Variants in AVPR1B observed in about 807,000 individuals in gnomAD.
The protein encoded by AVPR1B is arginine vasopressin receptor 1B.
AVPR1B carries 25 observed loss-of-function variants against 27.5 expected under a neutral mutation model. That is an observed-to-expected ratio of 0.91 (90% confidence interval 0.66 to 1.27). The LOEUF is 1.27. AVPR1B is among the 50% of genes most tolerant of loss of function. The pLI, the probability that AVPR1B is intolerant of heterozygous loss-of-function variation, is 0.00. For missense variants in AVPR1B, 595 were observed against 556.9 expected (o/e 1.07, Z -0.69); for synonymous variants, 248 against 240.2 (o/e 1.03, Z -0.30).
At position 206,107,140 on chromosome 1, in the gene AVPR1B, T is replaced by A. The variant is rs1181293951; in HGVS notation, c.*3049A>T. Among the ~76,000 whole-genome samples, 1 of 152,194 alleles carries A rather than the reference T, an allele frequency of 6.6e-6. No individual in the cohort carries two copies. Among genetic ancestry groups the A allele is most frequent in the Middle Eastern group, 3.2e-3 (1 of 316 alleles). ...CTGAGAAATCCCCGTAGTCAACCGA[T>A]GAACCCCTCCTGTCCTCCTCTCTGT... On this transcript the variant is annotated 3_prime_UTR_variant, in exon 2 of 2. Coordinates refer to ENST00000367126, the MANE Select transcript of AVPR1B (RefSeq NM_000707.5).
chr1:206,111,874 A>G (rs949671765), intron 1 of AVPR1B, among the ~76,000 whole-genome samples: 11 of 152,206 alleles, frequency 7.2e-5, no homozygotes. Context: ...AGTGGGAAGC[A>G]CCTGGAAGTA....
Position 206,107,548 on chromosome 1 carries a change from C to T in AVPR1B, c.*2641G>A, listed in dbSNP as rs1171253914. Among the ~76,000 whole-genome samples the T allele has an allele frequency of 6.6e-6, 1 of 152,190 alleles. No homozygotes were observed. The highest frequency in any genetic ancestry group is 1.9e-4 in the East Asian group (1 of 5,180). Reference sequence around the variant, plus strand: ...CAGTCGCTCCCCACTGTCCATATCACAGGACAGAACCAGCTTTCTGGAAAA... The same window carrying T: ...CAGTCGCTCCCCACTGTCCATATCATAGGACAGAACCAGCTTTCTGGAAAA... On this transcript the variant is annotated 3_prime_UTR_variant, in exon 2 of 2. Coordinates refer to ENST00000367126, the MANE Select transcript of AVPR1B (RefSeq NM_000707.5).
chr1:206,115,283 G>A (rs1186473577), intron 1 of AVPR1B, among the ~76,000 whole-genome samples: 5 of 151,878 alleles, frequency 3.3e-5, no homozygotes, highest in Admixed American at 1.3e-4. Context: ...AACTGACGCC[G>A]ATCTCATTTC....
At chr1:206,113,534 G>T (rs1304082954) in intron 1 of AVPR1B, among the ~76,000 whole-genome samples, 1 of 152,144 alleles carries the variant, frequency 6.6e-6, no homozygotes, top group Non-Finnish European at 1.5e-5. Flanking sequence ...CTTGGTAAGT[G>T]GTGAATCACT....
At chr1:206,115,235 AG>A (rs1663444010) in intron 1 of AVPR1B, among the ~76,000 whole-genome samples, 2 of 152,042 alleles carry the variant, frequency 1.3e-5, no homozygotes, top group Non-Finnish European at 2.9e-5. Flanking sequence ...CTCGGGGAAG[AG>A]AAAAAAAAAA....
intron 1 of AVPR1B, among the ~76,000 whole-genome samples, chr1:206,115,056 A>C (rs1176784911): frequency 6.6e-6 from 1 of 152,238 alleles, no homozygotes; most frequent in East Asian, 1.9e-4. Flanking sequence ...AGTATCCCTA[A>C]AATGACCCCA....
At chr1:206,112,578 C>T (rs1663397945) in intron 1 of AVPR1B, among the ~76,000 whole-genome samples, 1 of 152,158 alleles carries the variant, frequency 6.6e-6, no homozygotes, top group South Asian at 2.1e-4. Flanking sequence ...ACCTCCTGTG[C>T]TCAAGCAATG....
rs997317605 is a variant in AVPR1B, at chr1:206,109,692, T to G, written c.*497A>C. The stretch of plus-strand genomic sequence containing the variant: ...ATTCACTTTTCTTCATGAAGCAATT[T>G]TCTCTCTAACAACAACAACAACAAC... On this transcript the variant is annotated 3_prime_UTR_variant, in exon 2 of 2. Transcript: ENST00000367126. 7 of 152,580 alleles carry G rather than the reference T, an allele frequency of 4.6e-5. No individual in the cohort carries two copies. The highest frequency in any genetic ancestry group is 9.8e-5 in the Non-Finnish European group (7 of 71,466). 9.5% of individuals were successfully genotyped at this position (152,580 alleles called of 1,614,324 possible).
intron 1 of AVPR1B, among the ~76,000 whole-genome samples, chr1:206,114,051 G>A (rs1400196483): frequency 6.6e-6 from 1 of 152,212 alleles, no homozygotes; most frequent in African/African-American, 2.4e-5. Context: ...AAGGGATATT[G>A]TATTAAGAAG....
intron 1 of AVPR1B, among the ~76,000 whole-genome samples, chr1:206,112,274 G>A (rs535960459): frequency 3.9e-5 from 6 of 152,094 alleles, no homozygotes; most frequent in Non-Finnish European, 7.4e-5. Flanking sequence ...AATGTAGCCC[G>A]CAGTGTTGGA....
chr1:206,108,544 C>A lies in AVPR1B; in HGVS notation c.*1645G>T, dbSNP rs1183703942. Among the ~76,000 whole-genome samples the A allele has an allele frequency of 2.0e-5, 3 of 152,214 alleles. No homozygotes were observed. Among genetic ancestry groups the A allele is most frequent in the African/African-American group, 7.2e-5 (3 of 41,448 alleles). ...TGTTCCCTAGAGCTTCCCTCAGGAG[C>A]TCTTAATTAGATTAGTAATTCCTTA... is the stretch of plus-strand genomic sequence containing the variant. On this transcript the variant is annotated 3_prime_UTR_variant, in exon 2 of 2. Transcript: ENST00000367126.
Position 206,116,336 on chromosome 1 carries a change from G to T in AVPR1B, c.555C>A (p.Asp185Glu). 6.2e-7 allele frequency: 1 copy of T among 1,613,590 alleles called. No individual in the cohort carries two copies. Among genetic ancestry groups the T allele is most frequent in the Non-Finnish European group, 8.5e-7 (1 of 1,180,034 alleles). Reference protein sequence around the residue: ...REVIQGSGVLDCWADFGFPWG... With the variant: ...REVIQGSGVLECWADFGFPWG... ...AAGGGAAGCCGAAGTCTGCCCAGCAGTCCAGCACCCCTGAGCCCTGGATCA... is the reference window on the plus strand; with the variant it reads ...AAGGGAAGCCGAAGTCTGCCCAGCATTCCAGCACCCCTGAGCCCTGGATCA... The change falls in exon 1 of 2, where the codon GAC becomes GAA. Residue 185 changes from aspartate (D) to glutamate (E), a missense_variant. By Grantham distance (45) the Asp-to-Glu change is conservative (BLOSUM62 2). Transcript: ENST00000367126.
rs1251101583 is a variant in AVPR1B, at chr1:206,109,454, C to T, written c.*735G>A. 2.0e-5 allele frequency among the ~76,000 whole-genome samples: 3 copies of T among 152,010 alleles called. No homozygotes were observed. The highest frequency in any genetic ancestry group is 4.8e-5 in the African/African-American group (2 of 41,334). ...TCATCTTCTCCTTCCCTCCCTCTTT[C>T]TTCCCACCCACACTGACAGTGGACC... On this transcript the variant is annotated 3_prime_UTR_variant, in exon 2 of 2. Transcript: ENST00000367126.
chr1:206,109,966 C>T lies in AVPR1B; in HGVS notation c.*223G>A. ...CCAGGGAGACAGGCAGTTTGATTCT[C>T]CCTGACTGCCAGTGTCTGAGATTGG... On this transcript the variant is annotated 3_prime_UTR_variant, in exon 2 of 2. Transcript: ENST00000367126. 3.5e-6 allele frequency: 2 copies of T among 571,554 alleles called. No individual in the cohort carries two copies. The highest frequency in any genetic ancestry group is 6.2e-6 in the Non-Finnish European group (2 of 323,084). 35.4% of individuals were successfully genotyped at this position (571,554 alleles called of 1,614,324 possible).
At chr1:206,112,715 T>C (rs34907569) in intron 1 of AVPR1B, among the ~76,000 whole-genome samples, 10,461 of 152,008 alleles carry the variant, frequency 0.069, 1,024 homozygotes, top group African/African-American at 0.22. Context: ...TTTTGAACTC[T>C]TGGAATCAAT....
Position 206,107,848 on chromosome 1 carries a change from T to A in AVPR1B, c.*2341A>T, listed in dbSNP as rs1294024730. Among the ~76,000 whole-genome samples the A allele has an allele frequency of 6.6e-6, 1 of 152,216 alleles. No homozygotes were observed. Among genetic ancestry groups the A allele is most frequent in the African/African-American group, 2.4e-5 (1 of 41,454 alleles). On this transcript the variant is annotated 3_prime_UTR_variant, in exon 2 of 2. Transcript: ENST00000367126. ...CAGGCCATTGTTCCCCTCTCTAACA[T>A]CTGTTGAGTGCTCTATCTCTAGTCT...
At chr1:206,114,084 C>T (rs187357827) in intron 1 of AVPR1B, among the ~76,000 whole-genome samples, 12 of 152,194 alleles carry the variant, frequency 7.9e-5, no homozygotes, top group South Asian at 2.1e-4. Flanking sequence ...TACTTTTGCA[C>T]GCCTCTTGCA....
rs547888315 is a variant in AVPR1B, at chr1:206,107,417, G to A, written c.*2772C>T. 6.6e-6 allele frequency among the ~76,000 whole-genome samples: 1 copy of A among 152,184 alleles called. No homozygotes were observed. The highest frequency in any genetic ancestry group is 1.9e-4 in the East Asian group (1 of 5,170). On this transcript the variant is annotated 3_prime_UTR_variant, in exon 2 of 2. Transcript: ENST00000367126. The stretch of plus-strand genomic sequence containing the variant: ...TTCCACTGGCCCAGACTGTCCAGGC[G>A]AGCCTCCTACAGGTCCTGCAGAACT...
Position 206,116,304 on chromosome 1 carries a change from G to A in AVPR1B, c.587C>T (p.Pro196Leu). ...GGTGGTCCAGGTGAGGTAGGCCCGT[G>A]GCCCCCAAGGGAAGCCGAAGTCTGC... ...CWADFGFPWG[P>L]RAYLTWTTLA... The change falls in exon 1 of 2, where the codon CCA becomes CTA. Residue 196 changes from proline (P) to leucine (L), a missense_variant. Physicochemically the swap from Pro to Leu is moderately conservative, Grantham distance 98. Coordinates refer to ENST00000367126, the MANE Select transcript of AVPR1B (RefSeq NM_000707.5). 1 of 1,613,548 alleles carries A rather than the reference G, an allele frequency of 6.2e-7. No homozygotes were observed. Among genetic ancestry groups the A allele is most frequent in the Non-Finnish European group, 8.5e-7 (1 of 1,180,032 alleles).
Sources: allele counts gnomAD v4.1 joint callset (sites outside exome capture counted in the v4.1 genomes callset), GRCh38; gene constraint gnomAD v4.1.1; transcripts MANE v1.5; gene names NCBI Gene and HGNC (gene_info 2026-07-23, HGNC 2026-07-21).